SEMA3F: variants seen among roughly 807,000 people sequenced by gnomAD.
SEMA3F encodes semaphorin-3F.
Under a neutral mutation model 98.5 loss-of-function variants are expected in SEMA3F, and 30 were observed. That is an observed-to-expected ratio of 0.30 (90% CI 0.23 to 0.41). The LOEUF is 0.41. Among genes scored for constraint, SEMA3F ranks in the 10% least tolerant of loss-of-function variants. SEMA3F has a pLI of 1.00. For synonymous variants in SEMA3F, 380 were observed against 444.8 expected, an observed-to-expected ratio of 0.85 and a Z score of 1.83; for missense variants, 866 against 1,119.3, an observed-to-expected ratio of 0.77 and a Z score of 3.23.
intron 17 of SEMA3F, 65 bp from the exon 18 acceptor site, chr3:50,186,548 C>G: frequency 6.5e-7 from 1 of 1,549,674 alleles, no homozygotes; most frequent in South Asian, 1.2e-5. Context: ...CGGTGCCTGC[C>G]CCGAAGCAGT....
intron 2 of SEMA3F, among the ~76,000 whole-genome samples, chr3:50,172,942 T>A (rs545342385): frequency 6.6e-6 from 1 of 152,146 alleles, no homozygotes; most frequent in Non-Finnish European, 1.5e-5. Flanking sequence ...ACCCTGAGCG[T>A]GGGAGCATTA....
At chr3:50,186,512 C>A (rs573978273) in intron 17 of SEMA3F, 101 bp from the exon 18 acceptor site, 2 of 1,470,356 alleles carry the variant, frequency 1.4e-6, no homozygotes, top group Admixed American at 1.8e-5. Flanking sequence ...CAACACAGAG[C>A]ACTACATTGG....
At chr3:50,165,766 T>G (rs1294675361) in intron 2 of SEMA3F, among the ~76,000 whole-genome samples, 2 of 152,186 alleles carry the variant, frequency 1.3e-5, no homozygotes, top group African/African-American at 2.4e-5. Context: ...TGCCAGAGCT[T>G]GGCAGGCCTA....
chr3:50,157,779 C>T (rs1698046639), intron 1 of SEMA3F, among the ~76,000 whole-genome samples: 1 of 152,140 alleles, frequency 6.6e-6, no homozygotes, highest in African/African-American at 2.4e-5. Context: ...TCTCTGGACA[C>T]ATTGGGTGAC....
intron 7 of SEMA3F, among the ~76,000 whole-genome samples, chr3:50,177,329 G>A (rs1698851508): frequency 6.6e-6 from 1 of 152,220 alleles, no homozygotes; most frequent in South Asian, 2.1e-4. Context: ...CCTGGTCTGG[G>A]TAGGTGTCTG....
In SEMA3F at chr3:50,186,725, T is replaced by C; in HGVS notation, c.1926T>C (p.Asp642=). The change falls in exon 18 of 19, where the codon GAT becomes GAC. Residue 642 remains aspartate (D), a synonymous_variant. Coordinates refer to ENST00000002829, the MANE Select transcript of SEMA3F (RefSeq NM_004186.5). ...CTGTTAAGTGGCTGTTCCAGCGAGA[T>C]CCTGGTGACCGGCGCCGAGAGGTGA... ...QATVKWLFQR[D]PGDRRREIRA... is the part of the protein sequence containing the mutation. 1.2e-6 allele frequency: 2 copies of C among 1,605,952 alleles called. No homozygotes were observed. Among genetic ancestry groups the C allele is most frequent in the Non-Finnish European group, 1.7e-6 (2 of 1,173,560 alleles).
intron 1 of SEMA3F, among the ~76,000 whole-genome samples, chr3:50,157,580 CTCTG>C (rs1698035922): frequency 6.6e-6 from 1 of 152,178 alleles, no homozygotes; most frequent in African/African-American, 2.4e-5. Flanking sequence ...TTCTTTCCCT[CTCTG>C]TCCTTCTTCT....
Position 50,177,530 on chromosome 3 carries a change from G to A in SEMA3F, c.643+669G>A, listed in dbSNP as rs958096539. 5.9e-5 allele frequency among the ~76,000 whole-genome samples: 9 copies of A among 152,326 alleles called. No individual in the cohort carries two copies. In the East Asian group the frequency reaches 1.7e-3, roughly 29 times the overall value. The stretch of plus-strand genomic sequence containing the variant: ...CTGTGCCACCTCCAAGCCTGGGAAA[G>A]GCCCTGGGGTCAAGGGGCAGACATT... On this transcript the variant is annotated intron_variant, in intron 7 of 18. Coordinates refer to ENST00000002829, the MANE Select transcript of SEMA3F (RefSeq NM_004186.5).
At chr3:50,185,754 C>A in intron 15 of SEMA3F, 47 bp downstream of exon 15, 1 of 1,611,348 alleles carries the variant, frequency 6.2e-7, no homozygotes, top group Non-Finnish European at 8.5e-7. Flanking sequence ...GGGCCTGCAT[C>A]CCCTCAGGGT....
At position 50,182,846 on chromosome 3, in the gene SEMA3F, C is replaced by G. The variant is rs972313532; in HGVS notation, c.904-58C>G. Reference sequence around the variant, plus strand: ...CAGTTCTGGCTTCATCAGCCCTGCTCCAGCCAGGGCTTGGGGTCAAGAGCT... The same window carrying G: ...CAGTTCTGGCTTCATCAGCCCTGCTGCAGCCAGGGCTTGGGGTCAAGAGCT... On this transcript the variant is annotated intron_variant, in intron 9 of 18. Transcript: ENST00000002829. This position sits in a 1 kb window ranked among gnomAD's most constrained non-coding sequence, Gnocchi z 4.5. 6.2e-7 allele frequency: 1 copy of G among 1,609,318 alleles called. No homozygotes were observed. Among genetic ancestry groups the G allele is most frequent in the African/African-American group, 1.3e-5 (1 of 74,884 alleles).
chr3:50,184,228 T>C (rs1699124856), intron 12 of SEMA3F: 1 of 289,968 alleles, frequency 3.4e-6, no homozygotes, highest in African/African-American at 2.2e-5. Context: ...GACAAGGACG[T>C]CGGGGCCTGC....
At chr3:50,157,623 C>G (rs1251362718) in intron 1 of SEMA3F, among the ~76,000 whole-genome samples, 1 of 152,108 alleles carries the variant, frequency 6.6e-6, no homozygotes, top group Non-Finnish European at 1.5e-5. Context: ...TCCTTCTTTC[C>G]CCCACCTGCC....
chr3:50,175,046 C>G (rs756382009), intron 5 of SEMA3F, 50 bp from the exon 6 acceptor site: 3 of 1,334,316 alleles, frequency 2.2e-6, no homozygotes, highest in Non-Finnish European at 3.2e-6. Flanking sequence ...GAGCCCGCTC[C>G]CCCAGCCCCT....
intron 2 of SEMA3F, among the ~76,000 whole-genome samples, chr3:50,163,388 A>G (rs1462408365): frequency 6.6e-6 from 1 of 152,246 alleles, no homozygotes; most frequent in African/African-American, 2.4e-5. Flanking sequence ...TCAGGGCCTA[A>G]GAGAGGAAAG....
chr3:50,158,208 G>A lies in SEMA3F; in HGVS notation c.-48-1367G>A, dbSNP rs899728785. On this transcript the variant is annotated intron_variant, in intron 1 of 18. Transcript: ENST00000002829. The surrounding 1 kb of genome is among the most constrained non-coding windows in gnomAD (Gnocchi z 4.8). ...CCAGACCTGAGGAGGGGCTGGTTCTGATTCCCCCATCCCCCAGCTAGCCTC... is the reference window on the plus strand; with the variant it reads ...CCAGACCTGAGGAGGGGCTGGTTCTAATTCCCCCATCCCCCAGCTAGCCTC... 6.6e-6 allele frequency among the ~76,000 whole-genome samples: 1 copy of A among 152,214 alleles called. No homozygotes were observed. The highest frequency in any genetic ancestry group is 1.5e-5 in the Non-Finnish European group (1 of 68,040).
chr3:50,188,196 TATAA>T lies in SEMA3F; in HGVS notation c.*83_*86del. 2.1e-6 allele frequency: 1 copy of T among 467,220 alleles called. No homozygotes were observed. Among genetic ancestry groups the T allele is most frequent in the Non-Finnish European group, 3.2e-6 (1 of 317,336 alleles). 28.9% of individuals were successfully genotyped at this position (467,220 alleles called of 1,614,324 possible). On this transcript the variant is annotated 3_prime_UTR_variant, in exon 19 of 19. Transcript: ENST00000002829. The surrounding 1 kb of genome is among the most constrained non-coding windows in gnomAD (Gnocchi z 4.5). ...AAAGATATATATATATATATATATA[TATAA>T]AATATCTATATTCTATACACACCCT...
At position 50,166,754 on chromosome 3, in the gene SEMA3F, AGCCTGTTGGTCCC is replaced by A. The variant is rs1698421315; in HGVS notation, c.112+7021_113-7026del. On this transcript the variant is annotated intron_variant, in intron 2 of 18. Coordinates refer to ENST00000002829, the MANE Select transcript of SEMA3F (RefSeq NM_004186.5). This position sits in a 1 kb window ranked among gnomAD's most constrained non-coding sequence, Gnocchi z 4.7. ...GAGGGGGAGGGTTTTGACACCCACC[AGCCTGTTGGTCCC>A]ATCTTGGCCTGTCTGTCTGGGTGAT... 6.6e-6 allele frequency among the ~76,000 whole-genome samples: 1 copy of A among 152,170 alleles called. No homozygotes were observed. The highest frequency in any genetic ancestry group is 1.5e-5 in the Non-Finnish European group (1 of 68,038).
intron 2 of SEMA3F, among the ~76,000 whole-genome samples, chr3:50,165,709 G>C (rs1485851518): frequency 6.6e-6 from 1 of 152,246 alleles, no homozygotes; most frequent in Non-Finnish European, 1.5e-5. Flanking sequence ...CCAGAGGCCT[G>C]GATGCCAGAA....
intron 7 of SEMA3F, among the ~76,000 whole-genome samples, chr3:50,177,642 G>A (rs1423662047): frequency 2.6e-5 from 4 of 152,216 alleles, no homozygotes; most frequent in Admixed American, 2.6e-4. Context: ...GCCTGCCCTG[G>A]GGGAGCCTCA....
Sources: allele counts gnomAD v4.1 joint callset (sites outside exome capture counted in the v4.1 genomes callset), GRCh38; gene constraint gnomAD v4.1.1; non-coding constraint Gnocchi (gnomAD v3.1); transcripts MANE v1.5; gene names NCBI Gene and HGNC (gene_info 2026-07-23, HGNC 2026-07-21).